The following AASDH variants were observed in gnomAD, a reference collection of about 807,000 sequenced individuals.
AASDH encodes the protein aminoadipate-semialdehyde dehydrogenase.
A neutral mutation model predicts 102.3 loss-of-function variants in AASDH; 81 were observed. The ratio of observed to expected loss-of-function variants is 0.79; its 90% CI spans 0.66 to 0.95. The LOEUF is 0.95. Ranked by LOEUF, AASDH falls within the 40% of genes least tolerant of loss-of-function variation. The probability of loss-of-function intolerance (pLI) is 0.00; values close to 1 mark genes in which losing one functional copy is unlikely to be tolerated. For missense variants in AASDH, 1,203 were observed against 1,266.2 expected (o/e 0.95, Z 0.76); for synonymous variants, 398 against 454.0 (o/e 0.88, Z 1.57).
At chr4:56,386,451 G>T in intron 1 of AASDH, among the ~76,000 whole-genome samples, 1 of 152,116 alleles carries the variant, frequency 6.6e-6, no homozygotes, top group East Asian at 1.9e-4. Flanking sequence ...AACATTCTCT[G>T]CAGTAGAGAA....
intron 5 of AASDH, chr4:56,356,214 T>A: frequency 1.3e-6 from 1 of 756,382 alleles, no homozygotes; most frequent in Admixed American, 1.7e-5. Flanking sequence ...AAGAAAGTGG[T>A]GAATCCCCTG....
chr4:56,382,679 T>C, intron 2 of AASDH, 82 bp from the exon 3 acceptor site: 1 of 1,478,800 alleles, frequency 6.8e-7, no homozygotes, highest in African/African-American at 1.5e-5. Flanking sequence ...CTATGCACTT[T>C]ATTTATTTTT....
rs1749460317 is a variant in AASDH, at chr4:56,355,205, C to T, written c.1080G>A (p.Glu360=). ...ACTTGAGAGTAGAGTTAAGAGTCTT[C>T]TCTGGAATCCTATAAATGGTCGCCC... is the stretch of plus-strand genomic sequence containing the variant. ...SSWATIYRIP[E]KTLNSTLKCE... is the part of the protein sequence containing the mutation. The change falls in exon 6 of 15, where the codon GAG becomes GAA. Residue 360 remains glutamate (E), a synonymous_variant. Transcript: ENST00000205214. 1 of 1,614,002 alleles carries T rather than the reference C, an allele frequency of 6.2e-7. No individual in the cohort carries two copies. The highest frequency in any genetic ancestry group is 8.5e-7 in the Non-Finnish European group (1 of 1,179,974).
intron 4 of AASDH, among the ~76,000 whole-genome samples, chr4:56,377,186 ATAAAACT>A (rs1752461378): frequency 6.6e-6 from 1 of 152,190 alleles, no homozygotes; most frequent in South Asian, 2.1e-4. Flanking sequence ...TTAAAATTAC[ATAAAACT>A]TAAAATGACA....
chr4:56,348,937 TTCTAG>T (rs1227985639), intron 11 of AASDH: 7 of 331,936 alleles, frequency 2.1e-5, no homozygotes, highest in Non-Finnish European at 3.3e-5. Context: ...ATTTGTGTTG[TTCTAG>T]GTTGTTGAGT....
At chr4:56,379,988 G>C (rs1460166739) in intron 3 of AASDH, among the ~76,000 whole-genome samples, 1 of 152,186 alleles carries the variant, frequency 6.6e-6, no homozygotes, top group Non-Finnish European at 1.5e-5. Context: ...GGATCCAATT[G>C]AAGGTGGCAA....
At chr4:56,339,784 A>AT (rs1287979690) in intron 14 of AASDH, among the ~76,000 whole-genome samples, 1 of 150,608 alleles carries the variant, frequency 6.6e-6, no homozygotes, top group Non-Finnish European at 1.5e-5. Flanking sequence ...AGTTTTCAAT[A>AT]TATCTTCTTA....
chr4:56,357,761 G>C (rs1749794097), intron 5 of AASDH, among the ~76,000 whole-genome samples: 1 of 151,710 alleles, frequency 6.6e-6, no homozygotes, highest in African/African-American at 2.4e-5. Context: ...ATTCATCTAT[G>C]CTGCTAAGTG....
At position 56,368,035 on chromosome 4, in the gene AASDH, A is replaced by T. The variant is rs1751233384; in HGVS notation, c.861+3416T>A. Among the ~76,000 whole-genome samples, 3 of 152,188 alleles carry T rather than the reference A, an allele frequency of 2.0e-5. No individual in the cohort carries two copies. The South Asian group carries it at 6.2e-4, about 32-fold the overall frequency. ...ACAAATTTACAAGAAAAAAACAAAA[A>T]ACCCCATCAACAAGTGGGCGAAGGA... On this transcript the variant is annotated intron_variant, in intron 5 of 14. Transcript: ENST00000205214.
At chr4:56,376,959 T>C (rs967255410) in intron 4 of AASDH, among the ~76,000 whole-genome samples, 1 of 148,340 alleles carries the variant, frequency 6.7e-6, no homozygotes, top group East Asian at 2.0e-4. Flanking sequence ...CCCAGCTACT[T>C]GGGAGGCTGA....
At chr4:56,371,875 C>T (rs957169110) in intron 4 of AASDH, among the ~76,000 whole-genome samples, 1 of 152,206 alleles carries the variant, frequency 6.6e-6, no homozygotes, top group Non-Finnish European at 1.5e-5. Flanking sequence ...ATTTTATCAT[C>T]TGTGATGACT....
In AASDH at chr4:56,349,624, G is replaced by C; in HGVS notation, c.2127C>G (p.Asp709Glu). Residue 709 changes from aspartate to glutamate, a missense_variant, in exon 11 of 15, where the codon GAC (aspartate) becomes GAG (glutamate). Asp to Glu is a conservative substitution (Grantham distance 45, BLOSUM62 2). Transcript: ENST00000205214. ...TTTGAATGTTGGTCTGTGAAACTGA[G>C]TCAGAAGGACAGGCTGAAGAGCAAT... Reference protein sequence around the residue: ...LGHCSSACPSDSVSQTNIQNL... With the variant: ...LGHCSSACPSESVSQTNIQNL... 6.2e-7 allele frequency: 1 copy of C among 1,614,222 alleles called. No homozygotes were observed. The highest frequency in any genetic ancestry group is 8.5e-7 in the Non-Finnish European group (1 of 1,180,046).
At chr4:56,362,894 G>C (rs1750484628) in intron 5 of AASDH, among the ~76,000 whole-genome samples, 1 of 152,148 alleles carries the variant, frequency 6.6e-6, no homozygotes, top group Admixed American at 6.5e-5. Context: ...TGGGTGCAGT[G>C]CACCGTGTGT....
intron 14 of AASDH, among the ~76,000 whole-genome samples, chr4:56,339,336 G>C (rs1275771781): frequency 6.6e-6 from 1 of 151,342 alleles, no homozygotes; most frequent in African/African-American, 2.4e-5. Context: ...TAGTAGAGAT[G>C]AGGTTTCACC....
In AASDH at chr4:56,349,929, G is replaced by A; in HGVS notation, c.1822C>T (p.Pro608Ser). 6.2e-7 allele frequency: 1 copy of A among 1,613,952 alleles called. No homozygotes were observed. The highest frequency in any genetic ancestry group is 8.5e-7 in the Non-Finnish European group (1 of 1,180,014). The change falls in exon 11 of 15, where the codon CCT becomes TCT. Residue 608 changes from proline to serine, a missense_variant. By Grantham distance (74) the Pro-to-Ser change is moderately conservative. Transcript: ENST00000205214. ...CTGAGAATAATTTCCAGAAGCCCAG[G>A]TACTGATGTACCAACAAGTTTTTCA... ...EIEKLVGTSV[P>S]GLLEIILSSS...
intron 2 of AASDH, 56 bp downstream of exon 2, chr4:56,384,014 T>C (rs1327202702): frequency 6.9e-7 from 1 of 1,458,574 alleles, no homozygotes; most frequent in Non-Finnish European, 9.5e-7. Flanking sequence ...TATACTCTAT[T>C]AAAAATTTAC....
rs1347018728 is a variant in AASDH at position 56,338,641 on chromosome 4, C to A, written c.3058G>T (p.Val1020Phe). 6.2e-7 allele frequency: 1 copy of A among 1,614,144 alleles called. No homozygotes were observed. Among genetic ancestry groups the A allele is most frequent in the East Asian group, 2.2e-5 (1 of 44,872 alleles). ...LQWKFETTSR[V>F]YATPFAFHNY... ...TGGAAAGCAAACGGTGTTGCATAGA[C>A]CCTTGAAGTAGTTTCAAATTTCCAC... is the stretch of plus-strand genomic sequence containing the variant. Residue 1020 changes from valine (V) to phenylalanine (F), a missense_variant, in exon 15 of 15, where the codon GTC becomes TTC. Coordinates refer to ENST00000205214, the MANE Select transcript of AASDH (RefSeq NM_181806.4).
intron 3 of AASDH, among the ~76,000 whole-genome samples, chr4:56,379,725 C>T (rs77753222): frequency 1.3e-5 from 2 of 152,058 alleles, no homozygotes; most frequent in Non-Finnish European, 2.9e-5. Context: ...TCAGAGATTG[C>T]TTCATGGGTA....
rs147980727 is a variant in AASDH at position 56,382,493 on chromosome 4, T to C, written c.335A>G (p.Glu112Gly). The C allele has an allele frequency of 1.0e-3, 1,651 of 1,583,292 alleles. 2 individuals carry two copies. The highest frequency in any genetic ancestry group is 1.4e-3 in the Non-Finnish European group (1,571 of 1,156,458). Reference sequence around the variant, plus strand: ...CAGACTTACATTAATTTGTTTTTTTTCAACAAGGATATACTTTAGATTACA... The same window carrying C: ...CAGACTTACATTAATTTGTTTTTTTCCAACAAGGATATACTTTAGATTACA... ...KKCNLKYILV[E>G]KKQINKFKSF... Residue 112 changes from glutamate (E) to glycine (G), a missense_variant, in exon 3 of 15, where the codon GAA (glutamate) becomes GGA (glycine). Transcript: ENST00000205214.
Sources: allele counts gnomAD v4.1 joint callset (sites outside exome capture counted in the v4.1 genomes callset), GRCh38; gene constraint gnomAD v4.1.1; transcripts MANE v1.5; gene names NCBI Gene and HGNC (gene_info 2026-07-23, HGNC 2026-07-21).